CFAP52: variants seen among roughly 807,000 people sequenced by gnomAD.
The protein encoded by CFAP52 is cilia and flagella associated protein 52.
CFAP52 carries 57 observed loss-of-function variants against 70.5 expected under a neutral mutation model. That is an observed-to-expected ratio of 0.81 (90% CI 0.65 to 1.01). The LOEUF (loss-of-function observed/expected upper bound fraction) is 1.01. Among genes scored for constraint, CFAP52 ranks in the 50% least tolerant of loss-of-function variants. The pLI is 0.00. For synonymous variants in CFAP52, 267 were observed against 292.5 expected (o/e 0.91, Z 0.89); for missense variants, 785 against 788.5 (o/e 1.00, Z 0.05).
At chr17:9,614,436 G>A (rs891685289) in intron 8 of CFAP52, among the ~76,000 whole-genome samples, 3 of 152,092 alleles carry the variant, frequency 2.0e-5, no homozygotes, top group Middle Eastern at 6.3e-3. Context: ...GATTACAGGC[G>A]TGAGCCACCA....
chr17:9,600,445 G>A (rs1909217934), intron 6 of CFAP52, among the ~76,000 whole-genome samples: 1 of 152,026 alleles, frequency 6.6e-6, no homozygotes, highest in African/African-American at 2.4e-5. Flanking sequence ...GTTTCATCAT[G>A]TTGGCTAGGC....
chr17:9,583,129 T>G (rs1385341859), intron 1 of CFAP52, among the ~76,000 whole-genome samples: 1 of 152,162 alleles, frequency 6.6e-6, no homozygotes, highest in East Asian at 1.9e-4. Flanking sequence ...TAAGTTTAAT[T>G]TTTCCATATG....
chr17:9,636,813 G>A (rs574278593), intron 11 of CFAP52, among the ~76,000 whole-genome samples: 5 of 152,276 alleles, frequency 3.3e-5, no homozygotes, highest in East Asian at 1.9e-4. Flanking sequence ...TTGGGAGGCC[G>A]AGGTGGGAGG....
At chr17:9,612,526 C>G (rs773367785) in intron 8 of CFAP52, 47 bp downstream of exon 8, 2 of 1,552,600 alleles carry the variant, frequency 1.3e-6, no homozygotes, top group South Asian at 2.4e-5. Context: ...ATGCAGTGTG[C>G]CAGGGCATTT....
chr17:9,627,773 T>C (rs1453876765), intron 8 of CFAP52, among the ~76,000 whole-genome samples: 1 of 152,178 alleles, frequency 6.6e-6, no homozygotes, highest in Non-Finnish European at 1.5e-5. Context: ...CAGGCTGGAG[T>C]GCAGTGGCAC....
At chr17:9,632,816 T>C (rs749690791) in intron 9 of CFAP52, 72 bp from the exon 10 acceptor site, 11 of 1,552,010 alleles carry the variant, frequency 7.1e-6, no homozygotes, top group Non-Finnish European at 9.6e-6. Flanking sequence ...CTCTCCTTAG[T>C]GAGGCCAGCA....
intron 6 of CFAP52, among the ~76,000 whole-genome samples, chr17:9,604,744 T>C (rs1909412846): frequency 7.0e-6 from 1 of 142,996 alleles, no homozygotes; most frequent in South Asian, 2.3e-4. Context: ...AGCAAGACTC[T>C]GTCTCAAAAT....
intron 8 of CFAP52, among the ~76,000 whole-genome samples, chr17:9,627,912 G>T (rs767282833): frequency 6.6e-6 from 1 of 151,942 alleles, no homozygotes; most frequent in Admixed American, 6.6e-5. Context: ...TATTTTTTGG[G>T]GAGGCAGGGT....
chr17:9,596,000 T>C (rs1908982786), intron 4 of CFAP52, among the ~76,000 whole-genome samples: 1 of 146,004 alleles, frequency 6.8e-6, no homozygotes, highest in South Asian at 2.2e-4. Context: ...TATACATACA[T>C]AGTTATATAT....
intron 4 of CFAP52, chr17:9,597,469 T>C (rs910614912): frequency 6.6e-6 from 1 of 152,162 alleles, no homozygotes; most frequent in Admixed American, 6.6e-5. Context: ...ATAAACATCA[T>C]GATGTACACC....
intron 9 of CFAP52, among the ~76,000 whole-genome samples, chr17:9,631,632 G>A (rs943851896): frequency 5.3e-5 from 8 of 152,102 alleles, no homozygotes; most frequent in African/African-American, 2.4e-5. Flanking sequence ...TGGGCTAGGG[G>A]TGCAGGGACA....
At chr17:9,588,716 T>A (rs1027775047) in intron 3 of CFAP52, among the ~76,000 whole-genome samples, 4 of 152,104 alleles carry the variant, frequency 2.6e-5, no homozygotes, top group Admixed American at 2.6e-4. Flanking sequence ...AGGGTCTTTA[T>A]CATGTTGAGG....
intron 8 of CFAP52, among the ~76,000 whole-genome samples, chr17:9,627,185 A>G (rs1301140070): frequency 6.6e-6 from 1 of 150,702 alleles, no homozygotes; most frequent in Non-Finnish European, 1.5e-5. Context: ...TTCTGGCACC[A>G]TTGTCTTTTC....
In CFAP52 at chr17:9,609,613, T is replaced by A. The variant is rs530929651; in HGVS notation, c.854+1394T>A. Among the ~76,000 whole-genome samples the A allele has an allele frequency of 2.6e-5, 4 of 152,250 alleles. No homozygotes were observed. In the South Asian group the frequency reaches 8.3e-4, roughly 32 times the overall value. ...CAGGAGGCTGAAGCGGGAGGATTGATTGAGGTTGATCAGTCAACCTCAAGG... is the reference window on the plus strand; with the variant it reads ...CAGGAGGCTGAAGCGGGAGGATTGAATGAGGTTGATCAGTCAACCTCAAGG... On this transcript the variant is annotated intron_variant, in intron 7 of 13. Transcript: ENST00000352665.
At chr17:9,608,383 G>A (rs1176403101) in intron 7 of CFAP52, among the ~76,000 whole-genome samples, 164 bp downstream of exon 7, 1 of 152,194 alleles carries the variant, frequency 6.6e-6, no homozygotes. Context: ...TGGCTTCTTT[G>A]TCAACGAAAA....
At chr17:9,585,098 A>C (rs1409448515) in intron 1 of CFAP52, among the ~76,000 whole-genome samples, 1 of 152,156 alleles carries the variant, frequency 6.6e-6, no homozygotes, top group Non-Finnish European at 1.5e-5. Flanking sequence ...GCACTCACCC[A>C]AGCAGGCTGC....
intron 3 of CFAP52, among the ~76,000 whole-genome samples, chr17:9,592,308 CA>C (rs898324672): frequency 3.3e-5 from 5 of 151,336 alleles, no homozygotes; most frequent in African/African-American, 1.2e-4. Context: ...ACTAAAAATG[CA>C]AAAAAAATTA....
At chr17:9,628,852 G>T in intron 9 of CFAP52, 32 bp downstream of exon 9, 7 of 1,612,724 alleles carry the variant, frequency 4.3e-6, no homozygotes, top group Non-Finnish European at 5.9e-6. Context: ...CTGGCTTGGG[G>T]CTCTAGCTGC....
chr17:9,606,659 A>G (rs1909502811), intron 6 of CFAP52, among the ~76,000 whole-genome samples: 1 of 152,204 alleles, frequency 6.6e-6, no homozygotes, highest in Non-Finnish European at 1.5e-5. Context: ...GACGTCATCT[A>G]TAGTTTTAAA....
Sources: gnomAD v4.1 joint callset for allele counts (sites outside exome capture counted in the v4.1 genomes callset) on GRCh38, gnomAD v4.1.1 for gene constraint, MANE v1.5 for transcripts, NCBI Gene and HGNC (gene_info 2026-07-23, HGNC 2026-07-21) for gene names.